SCFD2: variants seen among roughly 807,000 people sequenced by gnomAD.
The protein encoded by SCFD2 is sec1 family domain-containing protein 2.
In SCFD2, 54 loss-of-function variants were observed where a neutral mutation model predicts 58.9. The observed-to-expected ratio is 0.92, with a 90% confidence interval of 0.74 to 1.15. The LOEUF (loss-of-function observed/expected upper bound fraction) is 1.15, where lower values mean the gene tolerates loss of function less well. Among genes scored for constraint, SCFD2 ranks in the 50% most tolerant of loss-of-function variants. SCFD2 has a pLI of 0.00. For synonymous variants in SCFD2, 321 were observed against 335.9 expected (o/e 0.96, Z 0.49); for missense variants, 805 against 836.6 (o/e 0.96, Z 0.47).
intron 6 of SCFD2, among the ~76,000 whole-genome samples, chr4:52,916,657 C>A (rs1248334739): frequency 6.6e-6 from 1 of 152,202 alleles, no homozygotes; most frequent in East Asian, 1.9e-4. Flanking sequence ...CAGAAGCGAG[C>A]AACAAACACA....
chr4:52,886,931 T>C (rs1486555779), intron 7 of SCFD2, among the ~76,000 whole-genome samples: 1 of 152,252 alleles, frequency 6.6e-6, no homozygotes, highest in East Asian at 1.9e-4. Flanking sequence ...CCCTTCTTTG[T>C]TGCATGGCTC....
At chr4:53,121,285 G>A (rs1404555429) in intron 5 of SCFD2, among the ~76,000 whole-genome samples, 1 of 152,190 alleles carries the variant, frequency 6.6e-6, no homozygotes, top group Non-Finnish European at 1.5e-5. Flanking sequence ...GATTGATTCT[G>A]GGGTGGGCTG....
chr4:52,890,842 T>C (rs779033331), intron 7 of SCFD2, among the ~76,000 whole-genome samples: 1 of 152,096 alleles, frequency 6.6e-6, no homozygotes, highest in Non-Finnish European at 1.5e-5. Context: ...CGTCTATCAC[T>C]GGGGTTGTCA....
At chr4:52,983,806 C>T (rs909491765) in intron 5 of SCFD2, among the ~76,000 whole-genome samples, 15 of 152,294 alleles carry the variant, frequency 9.8e-5, no homozygotes, top group Non-Finnish European at 1.2e-4. Flanking sequence ...TCTCCTTTCT[C>T]GTGTTGGTTT....
rs373680763 is a variant in SCFD2, at chr4:53,145,421, C to G, written c.1473G>C (p.Leu491=). Residue 491 remains leucine (L), a synonymous_variant, in exon 5 of 9, where the codon CTG becomes CTC. Transcript: ENST00000401642. ...TCTTGACTTTTTCTTCTGCTTCACA[C>G]AGGTCTTTGTCTACCGTGAGCTCTC... ...VTGELTVDKD[L]CEAEEKVKKA... The G allele has an allele frequency of 3.7e-6, 6 of 1,614,006 alleles. No homozygotes were observed. The African/African-American group carries it at 6.7e-5, about 18-fold the overall frequency.
chr4:53,081,575 C>G (rs574648249), intron 5 of SCFD2, among the ~76,000 whole-genome samples: 11 of 152,284 alleles, frequency 7.2e-5, no homozygotes, highest in African/African-American at 2.6e-4. Context: ...GGGGGGAAAT[C>G]AGAACTCTGG....
intron 4 of SCFD2, among the ~76,000 whole-genome samples, chr4:53,152,153 A>C (rs1174807224): frequency 6.6e-6 from 1 of 152,222 alleles, no homozygotes; most frequent in Non-Finnish European, 1.5e-5. Context: ...GTAATTAACA[A>C]GGCAGTAAAA....
At position 53,259,377 on chromosome 4, in the gene SCFD2, T is replaced by A. The variant is rs143858048; in HGVS notation, c.1311+14449A>T. On this transcript the variant is annotated intron_variant, in intron 4 of 8. Coordinates refer to ENST00000401642, the MANE Select transcript of SCFD2 (RefSeq NM_152540.4). ...GTCATAGATGTAAGTCTTTGATCCA[T>A]CTTGAGTTGATTTTTGTATAAGGTG... Among the ~76,000 whole-genome samples the A allele has an allele frequency of 5.8e-4, 89 of 152,348 alleles. No individual in the cohort carries two copies. The Middle Eastern group carries it at 0.014, about 23-fold the overall frequency.
intron 5 of SCFD2, among the ~76,000 whole-genome samples, chr4:53,088,683 G>C (rs141272490): frequency 6.6e-6 from 1 of 152,194 alleles, no homozygotes. Context: ...ATCATATCTT[G>C]AGTCTCACCC....
chr4:52,918,997 ATGT>A (rs1387135814), intron 6 of SCFD2, among the ~76,000 whole-genome samples: 1 of 152,114 alleles, frequency 6.6e-6, no homozygotes, highest in Non-Finnish European at 1.5e-5. Context: ...GAGTGTGCTG[ATGT>A]TATTGACTAT....
intron 4 of SCFD2, among the ~76,000 whole-genome samples, chr4:53,222,584 A>G (rs1451906172): frequency 6.6e-6 from 1 of 151,832 alleles, no homozygotes; most frequent in Non-Finnish European, 1.5e-5. Flanking sequence ...GGACTTCAAC[A>G]CCAATTAAAT....
Position 53,021,137 on chromosome 4 carries a change from CA to C in SCFD2, c.1562-100268del, listed in dbSNP as rs552232094. Among the ~76,000 whole-genome samples, 38 of 152,248 alleles carry C rather than the reference CA, an allele frequency of 2.5e-4. No individual in the cohort carries two copies. In the South Asian group the frequency reaches 7.7e-3, roughly 31 times the overall value. On this transcript the variant is annotated intron_variant, in intron 5 of 8. Transcript: ENST00000401642. ...GAAATTTTCAAGTAAAGCAGAAACC[CA>C]TTTTAGAATGATAAGCACAAACTTA...
chr4:53,272,958 A>G (rs1384507763), intron 4 of SCFD2, among the ~76,000 whole-genome samples: 1 of 152,194 alleles, frequency 6.6e-6, no homozygotes, highest in Non-Finnish European at 1.5e-5. Context: ...AATGCTCTAT[A>G]TTATTTATGA....
Position 53,366,050 on chromosome 4 carries a change from T to C in SCFD2, c.-109A>G, listed in dbSNP as rs2149179886. 7.5e-7 allele frequency: 1 copy of C among 1,336,630 alleles called. No individual in the cohort carries two copies. The highest frequency in any genetic ancestry group is 1.0e-6 in the Non-Finnish European group (1 of 991,320). The allele number at this position is 1,336,630 out of a possible 1,614,324, so 82.8% of individuals were successfully genotyped here. A position where few individuals can be genotyped will look rare whatever the true frequency, so the allele number is the denominator to read the frequency against. ...ACTTTGACAGTCTCCACAGTACACG[T>C]GGTCGGCCTCTGACACGCTCCCTGA... On this transcript the variant is annotated 5_prime_UTR_variant, in exon 1 of 9. Coordinates refer to ENST00000401642, the MANE Select transcript of SCFD2 (RefSeq NM_152540.4).
At chr4:53,085,238 A>G (rs1433834131) in intron 5 of SCFD2, among the ~76,000 whole-genome samples, 1 of 152,236 alleles carries the variant, frequency 6.6e-6, no homozygotes, top group African/African-American at 2.4e-5. Flanking sequence ...CTATATATCA[A>G]CAGTGAACAA....
chr4:52,917,068 T>C (rs1371565597), intron 6 of SCFD2, among the ~76,000 whole-genome samples: 1 of 152,120 alleles, frequency 6.6e-6, no homozygotes, highest in Non-Finnish European at 1.5e-5. Context: ...CACCTAATTT[T>C]TTTAAATTTA....
chr4:52,887,962 C>G (rs1279827771), intron 7 of SCFD2, among the ~76,000 whole-genome samples: 2 of 132,858 alleles, frequency 1.5e-5, no homozygotes, highest in African/African-American at 3.0e-5. Flanking sequence ...GGACTGCGGA[C>G]TGCAGTGGTG....
At chr4:53,305,449 A>C (rs1732483382) in intron 3 of SCFD2, among the ~76,000 whole-genome samples, 1 of 152,182 alleles carries the variant, frequency 6.6e-6, no homozygotes, top group Non-Finnish European at 1.5e-5. Context: ...TTTCGTGTAC[A>C]GGATCTATTA....
At chr4:53,182,648 C>T (rs1727607852) in intron 4 of SCFD2, among the ~76,000 whole-genome samples, 1 of 152,176 alleles carries the variant, frequency 6.6e-6, no homozygotes, top group Non-Finnish European at 1.5e-5. Flanking sequence ...CCAAAATTGA[C>T]AAATGGGATC....
Sources: gnomAD v4.1 joint callset for allele counts (sites outside exome capture counted in the v4.1 genomes callset) on GRCh38, gnomAD v4.1.1 for gene constraint, MANE v1.5 for transcripts, NCBI Gene and HGNC (gene_info 2026-07-23, HGNC 2026-07-21) for gene names.